Variants in FAM178B observed in about 807,000 individuals in gnomAD.
FAM178B encodes the protein protein FAM178B.
Under a neutral mutation model 91.7 loss-of-function variants are expected in FAM178B, and 82 were observed. That is an observed-to-expected ratio of 0.89 (90% CI 0.75 to 1.07). The LOEUF (loss-of-function observed/expected upper bound fraction) is 1.07, where lower values mean the gene tolerates loss of function less well. FAM178B is among the 50% of genes least tolerant of loss of function. The pLI is 0.00. For missense variants in FAM178B, 769 were observed against 846.7 expected (o/e 0.91, Z 1.14); for synonymous variants, 368 against 359.4 (o/e 1.02, Z -0.27).
intron 8 of FAM178B, among the ~76,000 whole-genome samples, chr2:96,937,440 G>A (rs2081651570): frequency 6.6e-6 from 1 of 152,146 alleles, no homozygotes; most frequent in Non-Finnish European, 1.5e-5. Flanking sequence ...TGAGGGTGGT[G>A]GGGGTGGGCA....
intron 8 of FAM178B, among the ~76,000 whole-genome samples, chr2:96,934,264 T>C (rs1228155435): frequency 2.0e-5 from 3 of 152,176 alleles, no homozygotes; most frequent in Non-Finnish European, 4.4e-5. Flanking sequence ...TGGAGCACCC[T>C]GAGTGACTTG....
chr2:96,935,946 A>C (rs2081618573), intron 8 of FAM178B, among the ~76,000 whole-genome samples: 1 of 151,474 alleles, frequency 6.6e-6, no homozygotes, highest in African/African-American at 2.4e-5. Context: ...ATTTGTTAAA[A>C]TCCATAGAAC....
At chr2:96,921,747 G>A in intron 10 of FAM178B, 93 bp from the exon 11 acceptor site, 8 of 1,304,842 alleles carry the variant, frequency 6.1e-6, no homozygotes, top group Non-Finnish European at 8.6e-6. Flanking sequence ...TTAGGCAGAA[G>A]GGATGGTACT....
intron 1 of FAM178B, among the ~76,000 whole-genome samples, chr2:96,983,480 G>A (rs966517520): frequency 1.3e-5 from 2 of 151,872 alleles, no homozygotes; most frequent in Non-Finnish European, 2.9e-5. Flanking sequence ...GCCCAGACTC[G>A]GATGGTGTGA....
At chr2:96,901,931 G>T (rs2080941015) in intron 13 of FAM178B, among the ~76,000 whole-genome samples, 1 of 152,130 alleles carries the variant, frequency 6.6e-6, no homozygotes, top group Admixed American at 6.6e-5. Context: ...CCAAGTAGCT[G>T]AGATTACAGG....
chr2:96,894,053 TG>T lies in FAM178B; in HGVS notation c.1651-3del. The T allele has an allele frequency of 6.2e-7, 1 of 1,606,424 alleles. No homozygotes were observed. ...CAGGAGCCGGCTGAGCGAGGACAGC[TG>T]GGGAGGAGAAGGGAGGCTGTCACTC... On this transcript the variant is annotated splice_region_variant and splice_polypyrimidine_tract_variant and intron_variant, in intron 13 of 16. Coordinates refer to ENST00000490605, the MANE Select transcript of FAM178B (RefSeq NM_001122646.3).
In FAM178B at chr2:96,986,193, G is replaced by A. The variant is rs1334357059; in HGVS notation, c.73+48C>T. The A allele has an allele frequency of 2.6e-6, 4 of 1,533,218 alleles. No individual in the cohort carries two copies. The Admixed American group carries it at 7.9e-5, about 30-fold the overall frequency. The allele number at this position is 1,533,218 out of a possible 1,614,324, so 95.0% of individuals were successfully genotyped here. A position where few individuals can be genotyped will look rare whatever the true frequency, so the allele number is the denominator to read the frequency against. ...GTCCCAGGGAAGTCGAGTGCTCTCT[G>A]AGCGCTAACCACGCGCCCCTGCGGT... On this transcript the variant is annotated intron_variant, in intron 1 of 16. Coordinates refer to ENST00000490605, the MANE Select transcript of FAM178B (RefSeq NM_001122646.3).
At chr2:96,916,033 C>A (rs753515315) in intron 12 of FAM178B, among the ~76,000 whole-genome samples, 1 of 152,172 alleles carries the variant, frequency 6.6e-6, no homozygotes, top group Admixed American at 6.5e-5. Flanking sequence ...CTCCGTAGCA[C>A]GGGCAGAACT....
At chr2:96,881,638 C>T (rs2153367348) in intron 14 of FAM178B, among the ~76,000 whole-genome samples, 1 of 151,170 alleles carries the variant, frequency 6.6e-6, no homozygotes, top group East Asian at 2.0e-4. Context: ...GGAGGAACAT[C>T]AGGGAGGAAA....
intron 5 of FAM178B, among the ~76,000 whole-genome samples, chr2:96,964,447 C>T (rs1305724051): frequency 6.6e-6 from 1 of 152,164 alleles, no homozygotes; most frequent in Non-Finnish European, 1.5e-5. Context: ...GCCAGGCTCA[C>T]AGAAGCAGCA....
intron 13 of FAM178B, among the ~76,000 whole-genome samples, chr2:96,896,731 C>T (rs2080831421): frequency 6.6e-6 from 1 of 152,218 alleles, no homozygotes; most frequent in African/African-American, 2.4e-5. Flanking sequence ...AAAGACCCAA[C>T]GACCTGCCTG....
At chr2:96,935,656 C>T (rs1008415770) in intron 8 of FAM178B, among the ~76,000 whole-genome samples, 9 of 151,028 alleles carry the variant, frequency 6.0e-5, no homozygotes, top group Non-Finnish European at 8.8e-5. Flanking sequence ...TGTTTGGAGA[C>T]GGAGTCTTGC....
At chr2:96,944,774 C>T (rs1428794733) in intron 8 of FAM178B, among the ~76,000 whole-genome samples, 3 of 152,180 alleles carry the variant, frequency 2.0e-5, no homozygotes, top group South Asian at 2.1e-4. Context: ...ACCAGACCTG[C>T]GTTTACCTGC....
At chr2:96,949,911 T>C (rs1407530927) in intron 7 of FAM178B, 4 of 918,468 alleles carry the variant, frequency 4.4e-6, no homozygotes, top group Non-Finnish European at 3.9e-6. Flanking sequence ...ACAGAGCTGA[T>C]GCTAAGAAAC....
chr2:96,933,864 T>C (rs535237563), intron 8 of FAM178B, among the ~76,000 whole-genome samples: 9 of 152,286 alleles, frequency 5.9e-5, no homozygotes, highest in African/African-American at 2.2e-4. Flanking sequence ...AAGCTACCCA[T>C]CCCACTGAGT....
At position 96,972,213 on chromosome 2, in the gene FAM178B, G is replaced by A; in HGVS notation, c.252C>T (p.Ser84=). The A allele has an allele frequency of 6.5e-7, 1 of 1,543,760 alleles. No homozygotes were observed. The highest frequency in any genetic ancestry group is 8.7e-7 in the Non-Finnish European group (1 of 1,143,718). ...ATGTGGGAGCTGGAGCCGAGGCAGG[G>A]CTGCAGGGCCGCCGGGCAGGGCAGC... is the stretch of plus-strand genomic sequence containing the variant. ...GPRCPARRPC[S]PASAPAPTSP... is the part of the protein sequence containing the mutation. The change falls in exon 3 of 17, where the codon AGC becomes AGT. Residue 84 remains serine (S), a synonymous_variant. Transcript: ENST00000490605.
chr2:96,896,207 G>A (rs2080820547), intron 13 of FAM178B, among the ~76,000 whole-genome samples: 1 of 152,180 alleles, frequency 6.6e-6, no homozygotes, highest in Non-Finnish European at 1.5e-5. Flanking sequence ...CCTGGGTGGG[G>A]CTGGGCAGGG....
chr2:96,892,227 G>A (rs2153368387), intron 14 of FAM178B, among the ~76,000 whole-genome samples: 1 of 152,282 alleles, frequency 6.6e-6, no homozygotes, highest in Non-Finnish European at 1.5e-5. Flanking sequence ...CCCAGCCCAG[G>A]GGCCTGTTTC....
At chr2:96,895,135 C>A (rs1216782564) in intron 13 of FAM178B, 2 of 1,287,808 alleles carry the variant, frequency 1.6e-6, no homozygotes, top group Non-Finnish European at 2.0e-6. Context: ...CCCCTTCCCG[C>A]TCTTTTCCTT....
Sources: allele counts gnomAD v4.1 joint callset (sites outside exome capture counted in the v4.1 genomes callset), GRCh38; gene constraint gnomAD v4.1.1; transcripts MANE v1.5; gene names NCBI Gene and HGNC (gene_info 2026-07-23, HGNC 2026-07-21).